Variants in SKAP1 observed in about 807,000 individuals in gnomAD.
The protein encoded by SKAP1 is src kinase associated phosphoprotein 1, also known as src kinase-associated phosphoprotein 1.
A neutral mutation model predicts 58.5 loss-of-function variants in SKAP1; 44 were observed. That is an observed-to-expected ratio of 0.75 (90% CI 0.59 to 0.97). SKAP1 has a LOEUF of 0.97. SKAP1 is among the 50% of genes least tolerant of loss of function. SKAP1 has a pLI of 0.00. For missense variants in SKAP1, 390 were observed against 435.2 expected (o/e 0.90, Z 0.92); for synonymous variants, 127 against 149.7 (o/e 0.85, Z 1.11).
intron 4 of SKAP1, among the ~76,000 whole-genome samples, chr17:48,220,397 C>T (rs929831897): frequency 6.6e-6 from 1 of 152,252 alleles, no homozygotes; most frequent in Middle Eastern, 3.4e-3. Context: ...CATGCAAAAA[C>T]ACGGACAATC....
intron 11 of SKAP1, among the ~76,000 whole-genome samples, chr17:48,153,048 CAT>C (rs1216681797): frequency 2.2e-5 from 3 of 137,686 alleles, no homozygotes; most frequent in Non-Finnish European, 4.9e-5. Flanking sequence ...CACACACACA[CAT>C]ACATACACAG....
intron 4 of SKAP1, among the ~76,000 whole-genome samples, chr17:48,256,709 G>A (rs1232472230): frequency 1.3e-5 from 2 of 152,118 alleles, no homozygotes; most frequent in African/African-American, 4.8e-5. Context: ...GCCTATGAAA[G>A]GAGAGAAGGA....
At chr17:48,422,534 C>T (rs1341812095) in intron 1 of SKAP1, among the ~76,000 whole-genome samples, 2 of 152,072 alleles carry the variant, frequency 1.3e-5, no homozygotes, top group Non-Finnish European at 2.9e-5. Context: ...CTCAATATTA[C>T]AGATCAAGAA....
chr17:48,147,690 C>T (rs1296532559), intron 11 of SKAP1, among the ~76,000 whole-genome samples: 1 of 152,196 alleles, frequency 6.6e-6, no homozygotes, highest in Non-Finnish European at 1.5e-5. Context: ...AAGCTCAGCA[C>T]TTGGCTGAAA....
In SKAP1 at chr17:48,142,970, T is replaced by TA. The variant is rs999581877; in HGVS notation, c.979-5634dup. 2.2e-3 allele frequency among the ~76,000 whole-genome samples: 319 copies of TA among 143,984 alleles called. 1 individual carries two copies. Among genetic ancestry groups the TA allele is most frequent in the African/African-American group, 5.9e-3 (229 of 39,030 alleles). 94.5% of individuals were successfully genotyped at this position (143,984 alleles called of 152,430 possible). On this transcript the variant is annotated intron_variant, in intron 11 of 12. Coordinates refer to ENST00000336915, the MANE Select transcript of SKAP1 (RefSeq NM_003726.4). ...GTGCATTTCACCATGCCTGGCTAGT[T>TA]AAAAAAAAAACTTTTTTTTTTTTTT...
Position 48,345,894 on chromosome 17 carries a change from A to G in SKAP1, c.280+11T>C. On this transcript the variant is annotated intron_variant, in intron 4 of 12. Transcript: ENST00000336915. ...TGGTAGTCACCCAAAATCCAGAAGGATAACACTCACCCTCATCCTGATAAT... is the reference window on the plus strand; with the variant it reads ...TGGTAGTCACCCAAAATCCAGAAGGGTAACACTCACCCTCATCCTGATAAT... The G allele has an allele frequency of 2.5e-6, 4 of 1,595,924 alleles. No individual in the cohort carries two copies. Among genetic ancestry groups the G allele is most frequent in the Non-Finnish European group, 3.4e-6 (4 of 1,163,964 alleles).
chr17:48,361,814 C>T (rs2066942355), intron 3 of SKAP1, among the ~76,000 whole-genome samples: 1 of 152,150 alleles, frequency 6.6e-6, no homozygotes, highest in African/African-American at 2.4e-5. Context: ...TAGTTGTTCT[C>T]TTTCTTACAT....
chr17:48,444,475 T>C, the SKAP1 span, among the ~76,000 whole-genome samples: 1 of 152,262 alleles, frequency 6.6e-6, no homozygotes, highest in Admixed American at 6.5e-5. Context: ...ATATGTGTTA[T>C]CATTTTCAGA....
chr17:48,263,496 A>T (rs149968838), intron 4 of SKAP1, among the ~76,000 whole-genome samples: 1 of 152,354 alleles, frequency 6.6e-6, no homozygotes, highest in East Asian at 1.9e-4. Context: ...AAACATGCAC[A>T]AGTATCCTGA....
At chr17:48,265,364 G>A (rs1023750085) in intron 4 of SKAP1, among the ~76,000 whole-genome samples, 1 of 152,088 alleles carries the variant, frequency 6.6e-6, no homozygotes, top group Non-Finnish European at 1.5e-5. Context: ...AATTAGCCCG[G>A]CATGGTAGCA....
chr17:48,217,963 T>G (rs1276004451), intron 4 of SKAP1, among the ~76,000 whole-genome samples: 1 of 152,228 alleles, frequency 6.6e-6, no homozygotes, highest in East Asian at 1.9e-4. Flanking sequence ...GAAAGCTTTG[T>G]GTATGGCTTG....
intron 4 of SKAP1, among the ~76,000 whole-genome samples, chr17:48,300,098 G>A (rs563829590): frequency 7.9e-5 from 12 of 152,256 alleles, no homozygotes; most frequent in African/African-American, 2.9e-4. Flanking sequence ...TATTTCCCCT[G>A]TGTGCTCAAG....
At chr17:48,194,978 C>T (rs892152557) in intron 4 of SKAP1, among the ~76,000 whole-genome samples, 2 of 152,184 alleles carry the variant, frequency 1.3e-5, no homozygotes, top group Non-Finnish European at 2.9e-5. Flanking sequence ...CCTGCAATTC[C>T]AATGCAGTCA....
the SKAP1 span, among the ~76,000 whole-genome samples, chr17:48,439,126 TAAAGA>T: frequency 1.3e-5 from 2 of 152,340 alleles, no homozygotes; most frequent in African/African-American, 4.8e-5. Context: ...TGTAAATTCC[TAAAGA>T]AAAGTGCCTT....
chr17:48,152,686 G>T (rs1044441459), intron 11 of SKAP1, among the ~76,000 whole-genome samples: 2 of 152,128 alleles, frequency 1.3e-5, no homozygotes, highest in Non-Finnish European at 2.9e-5. Context: ...GCCTTCACCG[G>T]TTAGTTTTAA....
At chr17:48,380,156 A>T (rs2067197782) in intron 2 of SKAP1, 1 of 152,258 alleles carries the variant, frequency 6.6e-6, no homozygotes, top group African/African-American at 2.4e-5. Flanking sequence ...TTTCGATTAC[A>T]ATCAACCAGT....
intron 4 of SKAP1, among the ~76,000 whole-genome samples, chr17:48,311,287 G>A (rs1195927465): frequency 1.3e-5 from 2 of 152,166 alleles, no homozygotes; most frequent in Non-Finnish European, 2.9e-5. Flanking sequence ...GATCACTGAA[G>A]ACTTTTCATT....
intron 4 of SKAP1, among the ~76,000 whole-genome samples, chr17:48,340,907 T>A (rs1246900697): frequency 6.6e-6 from 1 of 152,084 alleles, no homozygotes; most frequent in Non-Finnish European, 1.5e-5. Flanking sequence ...GGAAAATGAG[T>A]TGGAAAGCCC....
At chr17:48,199,422 T>A (rs1478797365) in intron 4 of SKAP1, among the ~76,000 whole-genome samples, 1 of 152,210 alleles carries the variant, frequency 6.6e-6, no homozygotes, top group Non-Finnish European at 1.5e-5. Flanking sequence ...CACTTTACAC[T>A]GCCAGGTCTC....
Sources: gnomAD v4.1 joint callset for allele counts (sites outside exome capture counted in the v4.1 genomes callset) on GRCh38, gnomAD v4.1.1 for gene constraint, MANE v1.5 for transcripts, NCBI Gene and HGNC (gene_info 2026-07-23, HGNC 2026-07-21) for gene names.